NRXN3: variants seen among roughly 807,000 people sequenced by gnomAD.
NRXN3 encodes the protein neurexin III.
Under a neutral mutation model 137.6 loss-of-function variants are expected in NRXN3, and 32 were observed. The ratio of observed to expected loss-of-function variants is 0.23; its 90% CI spans 0.18 to 0.31. NRXN3 has a LOEUF of 0.31. Among genes scored for constraint, NRXN3 ranks in the 10% least tolerant of loss-of-function variants. NRXN3 has a pLI of 1.00. For synonymous variants in NRXN3, 798 were observed against 784.5 expected (o/e 1.02, Z -0.29); for missense variants, 1,574 against 2,062.5 (o/e 0.76, Z 4.59).
intron 19 of NRXN3, among the ~76,000 whole-genome samples, chr14:79,701,377 C>A (rs1159943936): frequency 6.6e-6 from 1 of 152,106 alleles, no homozygotes; most frequent in African/African-American, 2.4e-5. Flanking sequence ...CAAGGCAATT[C>A]TTCTGTGCCA....
chr14:78,782,056 G>A (rs2098771775), intron 8 of NRXN3, among the ~76,000 whole-genome samples: 1 of 152,116 alleles, frequency 6.6e-6, no homozygotes, highest in African/African-American at 2.4e-5. Flanking sequence ...CTGGGCTTGC[G>A]TACTCAGCTT....
chr14:79,091,561 C>T (rs561525617), intron 15 of NRXN3, among the ~76,000 whole-genome samples: 141 of 152,186 alleles, frequency 9.3e-4, no homozygotes, highest in African/African-American at 3.1e-3. Flanking sequence ...CCCCATGGGG[C>T]GCTTTGTCCC....
At chr14:79,064,599 T>A (rs1359912078) in intron 15 of NRXN3, among the ~76,000 whole-genome samples, 1 of 138,472 alleles carries the variant, frequency 7.2e-6, no homozygotes, top group East Asian at 2.2e-4. Flanking sequence ...AAAAGAAAAT[T>A]TACAAAACTA....
At chr14:78,409,981 T>C (rs1179721985) in intron 4 of NRXN3, among the ~76,000 whole-genome samples, 2 of 152,206 alleles carry the variant, frequency 1.3e-5, no homozygotes, top group Non-Finnish European at 2.9e-5. Flanking sequence ...TTGAACTTAG[T>C]TCTCCTCCTC....
At position 79,864,357 on chromosome 14, in the gene NRXN3, T is replaced by C. The variant is rs2099416976; in HGVS notation, c.*2393T>C. On this transcript the variant is annotated 3_prime_UTR_variant, in exon 21 of 21. Transcript: ENST00000335750. ...CATTACTGCTTTTTCTTTTTTCTTT[T>C]CTTAGTTCATATTTGCATTTTCGTT... 6.5e-6 allele frequency: 1 copy of C among 152,678 alleles called. No homozygotes were observed. Among genetic ancestry groups the C allele is most frequent in the Admixed American group, 6.5e-5 (1 of 15,284 alleles). The allele number at this position is 152,678 out of a possible 1,614,324, so 9.5% of individuals were successfully genotyped here. A position where few individuals can be genotyped will look rare whatever the true frequency, so the allele number is the denominator to read the frequency against.
intron 1 of NRXN3, among the ~76,000 whole-genome samples, chr14:78,188,767 G>C (rs1002586812): frequency 2.6e-5 from 4 of 152,134 alleles, no homozygotes; most frequent in Non-Finnish European, 5.9e-5. Context: ...TCTCAGATTT[G>C]TCATTTACAA....
chr14:78,450,238 G>A (rs2094519730), intron 4 of NRXN3, among the ~76,000 whole-genome samples: 1 of 152,046 alleles, frequency 6.6e-6, no homozygotes, highest in Admixed American at 6.6e-5. Context: ...TGAGAAAAGT[G>A]TTTTCATTTT....
intron 16 of NRXN3, among the ~76,000 whole-genome samples, chr14:79,652,613 A>G (rs2098482513): frequency 6.6e-6 from 1 of 152,174 alleles, no homozygotes; most frequent in African/African-American, 2.4e-5. Context: ...AAGAGCACAT[A>G]GCTTTGAAAT....
intron 4 of NRXN3, among the ~76,000 whole-genome samples, chr14:78,494,185 A>G (rs778972698): frequency 1.8e-4 from 28 of 152,210 alleles, no homozygotes; most frequent in Non-Finnish European, 2.9e-4. Flanking sequence ...AATATTTGTT[A>G]AAACCAACCT....
At chr14:79,428,074 T>C (rs561237692) in intron 15 of NRXN3, among the ~76,000 whole-genome samples, 57 of 152,254 alleles carry the variant, frequency 3.7e-4, no homozygotes, top group African/African-American at 1.2e-3. Flanking sequence ...ATAAGTCTTA[T>C]GATACTGGGA....
At position 79,168,740 on chromosome 14, in the gene NRXN3, G is replaced by A. The variant is rs2061509038; in HGVS notation, c.3262+180599G>A. Among the ~76,000 whole-genome samples, 3 of 152,000 alleles carry A rather than the reference G, an allele frequency of 2.0e-5. No individual in the cohort carries two copies. The South Asian group carries it at 6.2e-4, about 32-fold the overall frequency. On this transcript the variant is annotated intron_variant, in intron 15 of 20. Coordinates refer to ENST00000335750, the MANE Select transcript of NRXN3 (RefSeq NM_001330195.2). ...CACTACATTCTCTACCTTCGCAAATGCAGCATTTCCTTCAAAAGTCAGTTC... is the reference window on the plus strand; with the variant it reads ...CACTACATTCTCTACCTTCGCAAATACAGCATTTCCTTCAAAAGTCAGTTC...
chr14:79,554,818 T>C (rs1300965677), intron 16 of NRXN3, among the ~76,000 whole-genome samples: 2 of 152,178 alleles, frequency 1.3e-5, no homozygotes, highest in East Asian at 1.9e-4. Flanking sequence ...AAGTAAGATA[T>C]ATTCCTAGCC....
intron 15 of NRXN3, among the ~76,000 whole-genome samples, chr14:79,376,031 C>T (rs2094265052): frequency 1.4e-5 from 2 of 143,590 alleles, no homozygotes; most frequent in South Asian, 4.4e-4. Context: ...TGTATATATA[C>T]TTATATATAA....
At chr14:79,469,727 T>C (rs1351975574) in intron 16 of NRXN3, among the ~76,000 whole-genome samples, 2 of 152,118 alleles carry the variant, frequency 1.3e-5, no homozygotes, top group Non-Finnish European at 2.9e-5. Context: ...GAAAAAAGGA[T>C]CCTATGCTGT....
At chr14:78,463,597 C>A (rs1370294470) in intron 4 of NRXN3, among the ~76,000 whole-genome samples, 1 of 146,922 alleles carries the variant, frequency 6.8e-6, no homozygotes, top group Non-Finnish European at 1.5e-5. Flanking sequence ...TTCTTTCTTC[C>A]ATGATGGTGC....
chr14:78,321,324 G>A (rs1411909141), intron 4 of NRXN3, among the ~76,000 whole-genome samples: 1 of 151,962 alleles, frequency 6.6e-6, no homozygotes, highest in African/African-American at 2.4e-5. Context: ...GAAGGGAGAA[G>A]TAAATGGGTC....
chr14:79,364,493 GA>G (rs2093803454), intron 15 of NRXN3, among the ~76,000 whole-genome samples: 6 of 152,196 alleles, frequency 3.9e-5, no homozygotes, highest in Admixed American at 2.0e-4. Flanking sequence ...CTATTTATAA[GA>G]GAGGAGTCTA....
chr14:78,829,002 A>T (rs750023625), intron 10 of NRXN3, among the ~76,000 whole-genome samples: 1 of 152,154 alleles, frequency 6.6e-6, no homozygotes, highest in Non-Finnish European at 1.5e-5. Context: ...GATGAGAAGG[A>T]TCTAGTCTTG....
chr14:78,784,388 A>G (rs2098781853), intron 8 of NRXN3, among the ~76,000 whole-genome samples: 1 of 152,194 alleles, frequency 6.6e-6, no homozygotes, highest in Non-Finnish European at 1.5e-5. Context: ...CAAGGAGGCA[A>G]TAGTAGATGA....
Sources: gnomAD v4.1 joint callset for allele counts (sites outside exome capture counted in the v4.1 genomes callset) on GRCh38, gnomAD v4.1.1 for gene constraint, MANE v1.5 for transcripts, NCBI Gene and HGNC (gene_info 2026-07-23, HGNC 2026-07-21) for gene names.